RUNX2: variants seen among roughly 807,000 people sequenced by gnomAD.
RUNX2 encodes the protein RUNX family transcription factor 2, also known as runt-related transcription factor 2.
In RUNX2, 10 loss-of-function variants were observed where a neutral mutation model predicts 51.7. The ratio of observed to expected loss-of-function variants is 0.19; its 90% CI spans 0.12 to 0.33. RUNX2 has a LOEUF of 0.33. Among genes scored for constraint, RUNX2 ranks in the 10% least tolerant of loss-of-function variants. The probability of loss-of-function intolerance (pLI) is 1.00; values close to 1 mark genes in which losing one functional copy is unlikely to be tolerated. For missense variants in RUNX2, 562 were observed against 691.3 expected (o/e 0.81, Z 2.10); for synonymous variants, 276 against 273.6 (o/e 1.01, Z -0.09).
intron 2 of RUNX2, among the ~76,000 whole-genome samples, chr6:45,332,317 A>C (rs1486941371): frequency 6.6e-6 from 1 of 151,646 alleles, no homozygotes; most frequent in Non-Finnish European, 1.5e-5. Flanking sequence ...TTGAAGCAAA[A>C]GGTTAGGGGT....
intron 2 of RUNX2, chr6:45,377,186 T>C (rs552564684): frequency 5.3e-5 from 8 of 152,262 alleles, no homozygotes; most frequent in African/African-American, 1.9e-4. Flanking sequence ...TCTAAGCGTT[T>C]AACGTGTATT....
At chr6:45,362,978 ATATTT>A (rs1197122608) in intron 2 of RUNX2, among the ~76,000 whole-genome samples, 1 of 151,866 alleles carries the variant, frequency 6.6e-6, no homozygotes, top group African/African-American at 2.4e-5. Flanking sequence ...GGTTTTTTTA[ATATTT>A]TATTTTTAAT....
chr6:45,524,140 G>A (rs1002390063), intron 7 of RUNX2, among the ~76,000 whole-genome samples: 4 of 152,156 alleles, frequency 2.6e-5, no homozygotes, highest in African/African-American at 4.8e-5. Flanking sequence ...ACAGGAAGGC[G>A]TATTTTCTGG....
chr6:45,495,274 T>C (rs1444041679), intron 6 of RUNX2, among the ~76,000 whole-genome samples: 2 of 152,234 alleles, frequency 1.3e-5, no homozygotes, highest in Non-Finnish European at 2.9e-5. Context: ...ATATGAATTA[T>C]TGAAAGTTCA....
At chr6:45,485,012 A>T (rs866375728) in intron 5 of RUNX2, among the ~76,000 whole-genome samples, 1 of 152,096 alleles carries the variant, frequency 6.6e-6, no homozygotes, top group African/African-American at 2.4e-5. Flanking sequence ...CTTGAGCCCT[A>T]GAGTATTGGA....
At chr6:45,492,184 A>G in intron 6 of RUNX2, 70 bp downstream of exon 6, 5 of 1,478,916 alleles carry the variant, frequency 3.4e-6, no homozygotes, top group Non-Finnish European at 4.7e-6. Context: ...ACCAGAGGAG[A>G]TGTGTTCACT....
intron 2 of RUNX2, among the ~76,000 whole-genome samples, chr6:45,361,920 G>C (rs1028288387): frequency 3.9e-5 from 6 of 152,080 alleles, no homozygotes; most frequent in Non-Finnish European, 8.8e-5. Flanking sequence ...GCGTGGTAGC[G>C]CATGCCTGTA....
chr6:45,547,751 G>T lies in RUNX2; in HGVS notation c.*446G>T. ...AGCTGTGTATGGACCAGTGCCCTCC[G>T]CAGACAGCTCACAAAACCAGTTGAG... On this transcript the variant is annotated 3_prime_UTR_variant, in exon 9 of 9. Transcript: ENST00000647337. 1 of 227,386 alleles carries T rather than the reference G, an allele frequency of 4.4e-6. No homozygotes were observed. The highest frequency in any genetic ancestry group is 8.8e-6 in the Non-Finnish European group (1 of 113,418). The allele number at this position is 227,386 out of a possible 1,614,324, so 14.1% of individuals were successfully genotyped here. A position where few individuals can be genotyped will look rare whatever the true frequency, so the allele number is the denominator to read the frequency against.
intron 2 of RUNX2, among the ~76,000 whole-genome samples, chr6:45,357,844 T>G (rs1040874759): frequency 6.6e-6 from 1 of 152,080 alleles, no homozygotes; most frequent in African/African-American, 2.4e-5. Context: ...AATAATGAAG[T>G]GTAATACATT....
At chr6:45,407,960 C>T (rs1797872290) in intron 2 of RUNX2, among the ~76,000 whole-genome samples, 1 of 151,928 alleles carries the variant, frequency 6.6e-6, no homozygotes, top group Non-Finnish European at 1.5e-5. Flanking sequence ...AATAATTCTT[C>T]TGGTTTGAGT....
chr6:45,342,778 A>AAAAAATAC (rs1790074155), intron 2 of RUNX2, among the ~76,000 whole-genome samples: 1 of 152,188 alleles, frequency 6.6e-6, no homozygotes, highest in Non-Finnish European at 1.5e-5. Flanking sequence ...AACCCATACA[A>AAAAAATAC]AAAAATACAT....
intron 2 of RUNX2, among the ~76,000 whole-genome samples, chr6:45,384,995 G>A (rs1797320667): frequency 6.6e-6 from 1 of 152,046 alleles, no homozygotes; most frequent in Non-Finnish European, 1.5e-5. Flanking sequence ...GAGCCACTAT[G>A]CCCAGCCTAT....
intron 2 of RUNX2, among the ~76,000 whole-genome samples, chr6:45,385,389 G>A (rs1442192673): frequency 6.6e-6 from 1 of 152,080 alleles, no homozygotes; most frequent in Non-Finnish European, 1.5e-5. Context: ...TTCCCCTTAC[G>A]GTAAACTAGT....
chr6:45,459,171 T>C (rs2150385196), intron 5 of RUNX2, among the ~76,000 whole-genome samples: 1 of 152,324 alleles, frequency 6.6e-6, no homozygotes, highest in South Asian at 2.1e-4. Flanking sequence ...CCCCAGAGCT[T>C]GACATGTTTA....
chr6:45,463,975 C>T (rs145835106), intron 5 of RUNX2, among the ~76,000 whole-genome samples: 1,972 of 152,228 alleles, frequency 0.013, 39 homozygotes, highest in African/African-American at 0.045. Context: ...AGGTGAATCA[C>T]GAGGTCAGGA....
chr6:45,378,590 C>G (rs1394322389), intron 2 of RUNX2, among the ~76,000 whole-genome samples: 1 of 152,210 alleles, frequency 6.6e-6, no homozygotes, highest in Middle Eastern at 3.4e-3. Flanking sequence ...TGTTTTTTCC[C>G]CAACTCATGT....
chr6:45,504,314 C>T (rs906852815), intron 6 of RUNX2, among the ~76,000 whole-genome samples: 1 of 152,218 alleles, frequency 6.6e-6, no homozygotes, highest in Non-Finnish European at 1.5e-5. Context: ...GGAGCTCACT[C>T]TTCTGAGTGG....
At chr6:45,386,113 G>A (rs1260565483) in intron 2 of RUNX2, among the ~76,000 whole-genome samples, 3 of 149,678 alleles carry the variant, frequency 2.0e-5, no homozygotes, top group South Asian at 2.1e-4. Flanking sequence ...TTTTGCCCAG[G>A]CTGGAGTGCA....
chr6:45,439,465 A>G (rs1798780482), intron 5 of RUNX2, among the ~76,000 whole-genome samples: 1 of 152,184 alleles, frequency 6.6e-6, no homozygotes, highest in Non-Finnish European at 1.5e-5. Context: ...ATGATGCCTT[A>G]TGATGGAAGA....
Sources: gnomAD v4.1 joint callset for allele counts (sites outside exome capture counted in the v4.1 genomes callset) on GRCh38, gnomAD v4.1.1 for gene constraint, MANE v1.5 for transcripts, NCBI Gene and HGNC (gene_info 2026-07-23, HGNC 2026-07-21) for gene names.